Variants in ACACB observed in about 807,000 individuals in gnomAD.
The protein encoded by ACACB is acetyl-CoA carboxylase 2.
A neutral mutation model predicts 278.8 loss-of-function variants in ACACB; 209 were observed. That is an observed-to-expected ratio of 0.75 (90% CI 0.67 to 0.84). The LOEUF (loss-of-function observed/expected upper bound fraction) is 0.84, where lower values mean the gene tolerates loss of function less well. ACACB is among the 40% of genes least tolerant of loss of function. The pLI is 0.00. For missense variants in ACACB, 2,850 were observed against 3,269.0 expected, an observed-to-expected ratio of 0.87 and a Z score of 3.13; for synonymous variants, 1,174 against 1,285.6, an observed-to-expected ratio of 0.91 and a Z score of 1.86.
Position 109,232,792 on chromosome 12 carries a change from C to G in ACACB, c.4125C>G (p.Phe1375Leu). Residue 1375 changes from phenylalanine to leucine, a missense_variant, in exon 29 of 53, where the codon TTC becomes TTG. Physicochemically the swap from Phe to Leu is conservative, Grantham distance 22. Around this residue, in one of 3 missense-constraint regions of ACACB, gnomAD observed 2,265 missense variants for 2,561.3 expected, o/e 0.88. Coordinates refer to ENST00000338432, the MANE Select transcript of ACACB (RefSeq NM_001093.4). ...GAGCCATGGTAGCCTTCAGGAGATT[C>G]GAGGACTTCACCAGGTACCCAGCAT... is the stretch of plus-strand genomic sequence containing the variant. ...RMGAMVAFRR[F>L]EDFTRNFDEV... 6.2e-7 allele frequency: 1 copy of G among 1,614,100 alleles called. No homozygotes were observed. Among genetic ancestry groups the G allele is most frequent in the Non-Finnish European group, 8.5e-7 (1 of 1,180,014 alleles).
At chr12:109,218,891 C>T (rs906866050) in intron 24 of ACACB, among the ~76,000 whole-genome samples, 3 of 151,874 alleles carry the variant, frequency 2.0e-5, no homozygotes, top group Non-Finnish European at 4.4e-5. Flanking sequence ...GTCTCAGCCT[C>T]GTTTAGCTGG....
chr12:109,205,903 A>T (rs925522809), intron 19 of ACACB, among the ~76,000 whole-genome samples: 1 of 152,190 alleles, frequency 6.6e-6, no homozygotes, highest in South Asian at 2.1e-4. Flanking sequence ...AGGTATTTGT[A>T]GAATGAATGA....
intron 47 of ACACB, among the ~76,000 whole-genome samples, chr12:109,259,820 T>A (rs2047331905): frequency 6.6e-6 from 1 of 152,074 alleles, no homozygotes; most frequent in Non-Finnish European, 1.5e-5. Flanking sequence ...ACCAAGCATG[T>A]TTTGGGAGAG....
intron 26 of ACACB, among the ~76,000 whole-genome samples, chr12:109,223,236 A>G (rs1165808724): frequency 1.3e-5 from 2 of 152,250 alleles, no homozygotes; most frequent in African/African-American, 2.4e-5. Flanking sequence ...TCGCGGCCTC[A>G]TCTTCCCTAT....
chr12:109,245,715 G>T lies in ACACB; in HGVS notation c.5268G>T (p.Leu1756=). The T allele has an allele frequency of 6.2e-7, 1 of 1,614,130 alleles. No homozygotes were observed. Among genetic ancestry groups the T allele is most frequent in the South Asian group, 1.1e-5 (1 of 91,072 alleles). The part of the protein sequence containing the change: ...TELVLDSQGQ[L]VEMNRLPGGN... ...TAGTGTTGGACTCTCAGGGCCAGCTGGTGGAGATGAACCGACTTCCTGGTG... is the reference window on the plus strand; with the variant it reads ...TAGTGTTGGACTCTCAGGGCCAGCTTGTGGAGATGAACCGACTTCCTGGTG... The change falls in exon 38 of 53, where the codon CTG becomes CTT. Residue 1756 remains leucine (L), a synonymous_variant. Coordinates refer to ENST00000338432, the MANE Select transcript of ACACB (RefSeq NM_001093.4).
upstream of ACACB, among the ~76,000 whole-genome samples, chr12:109,116,164 C>G (rs73195474): frequency 6.6e-6 from 1 of 152,184 alleles, no homozygotes; most frequent in Non-Finnish European, 1.5e-5. Context: ...CATTAAGTGG[C>G]GTGATTTGAG....
At chr12:109,211,845 G>A (rs1233543454) in intron 21 of ACACB, among the ~76,000 whole-genome samples, 1 of 152,142 alleles carries the variant, frequency 6.6e-6, no homozygotes, top group African/African-American at 2.4e-5. Context: ...AACTCTAGAG[G>A]ATCCTAACTG....
rs753882249 is a variant in ACACB, at chr12:109,246,377, C to T, written c.5500C>T (p.Arg1834Cys). 8.1e-6 allele frequency: 13 copies of T among 1,613,332 alleles called. No homozygotes were observed. The highest frequency in any genetic ancestry group is 2.2e-5 in the South Asian group (2 of 91,028). Residue 1834 changes from arginine (R) to cysteine (C), a missense_variant, in exon 39 of 53, where the codon CGT (arginine) becomes TGT (cysteine). Transcript: ENST00000338432. ...TTACGTGGCAGCCAACAGTGGCGCC[C>T]GTATTGGCATGGCAGAGGAGATCAA... ...KIYVAANSGA[R>C]IGMAEEIKHM...
upstream of ACACB, among the ~76,000 whole-genome samples, chr12:109,113,999 C>T (rs1291031038): frequency 9.3e-5 from 14 of 151,254 alleles, no homozygotes; most frequent in African/African-American, 2.9e-4. Flanking sequence ...CTTTTTTTTG[C>T]GATAGAGTCT....
intron 9 of ACACB, 91 bp downstream of exon 9, chr12:109,176,354 G>A: frequency 8.4e-7 from 1 of 1,186,676 alleles, no homozygotes; most frequent in South Asian, 1.3e-5. Context: ...TTCTGTGACA[G>A]TCAAGAAGAC....
In ACACB at chr12:109,265,049, CA is replaced by C. The variant is rs2047476963; in HGVS notation, c.6943-60del. The C allele has an allele frequency of 7.1e-6, 11 of 1,547,450 alleles. No individual in the cohort carries two copies. In the East Asian group the frequency reaches 2.3e-4, roughly 32 times the overall value. On this transcript the variant is annotated intron_variant, in intron 50 of 52. Transcript: ENST00000338432. ...GGGCAGCCACTGTCATGGGTGTGGT[CA>C]GAGCCAGTGTCCCGTCTCCTCCTTC...
chr12:109,122,700 C>G (rs2042579106), intron 1 of ACACB, among the ~76,000 whole-genome samples: 1 of 149,690 alleles, frequency 6.7e-6, no homozygotes, highest in Non-Finnish European at 1.5e-5. Context: ...ATTTTATGAA[C>G]TTTTTAACTT....
rs1251679924 is a variant in ACACB, at chr12:109,234,005, AGGCACT to A, written c.4310_4315del (p.Ala1437_Leu1438del). 1 of 1,613,896 alleles carries A rather than the reference AGGCACT, an allele frequency of 6.2e-7. No homozygotes were observed. The highest frequency in any genetic ancestry group is 8.5e-7 in the Non-Finnish European group (1 of 1,179,986). Reference sequence around the variant, plus strand: ...CAGTGTGCAGACCACCTGGAGGATGAGGCACTGGTGCCGATTTTACGGACATTCGTA... The same window carrying A: ...CAGTGTGCAGACCACCTGGAGGATGAGGTGCCGATTTTACGGACATTCGTA... On this transcript the variant is annotated inframe_deletion, in exon 31 of 53. Transcript: ENST00000338432.
chr12:109,192,116 C>G (rs972016436), intron 15 of ACACB, among the ~76,000 whole-genome samples, 166 bp downstream of exon 15: 1 of 152,078 alleles, frequency 6.6e-6, no homozygotes, highest in Non-Finnish European at 1.5e-5. Context: ...CCTAGGCTAC[C>G]CTTGAAGAGG....
At chr12:109,251,991 G>C (rs1261588733) in intron 41 of ACACB, 55 bp from the exon 42 acceptor site, 60 of 1,350,866 alleles carry the variant, frequency 4.4e-5, no homozygotes, top group Middle Eastern at 2.0e-4. Flanking sequence ...TCCCTGCTGT[G>C]GGGGGTGGGT....
At chr12:109,120,876 G>C (rs2042531751) in intron 1 of ACACB, among the ~76,000 whole-genome samples, 1 of 152,218 alleles carries the variant, frequency 6.6e-6, no homozygotes, top group South Asian at 2.1e-4. Context: ...CATTTAAAGA[G>C]ATAACACACA....
At chr12:109,266,038 C>T (rs941091356) in intron 52 of ACACB, among the ~76,000 whole-genome samples, 198 bp from the exon 53 acceptor site, 2 of 152,240 alleles carry the variant, frequency 1.3e-5, no homozygotes, top group South Asian at 2.1e-4. Context: ...CCAGTAGGGA[C>T]GGTGGTGCCT....
intron 48 of ACACB, among the ~76,000 whole-genome samples, chr12:109,261,678 C>G (rs1051258321): frequency 6.6e-6 from 1 of 151,968 alleles, no homozygotes; most frequent in African/African-American, 2.4e-5. Context: ...CAAGACCAGC[C>G]TGGCCAACAC....
At chr12:109,251,257 T>C (rs1284673000) in intron 41 of ACACB, among the ~76,000 whole-genome samples, 1 of 152,188 alleles carries the variant, frequency 6.6e-6, no homozygotes, top group African/African-American at 2.4e-5. Context: ...GTGACCAATA[T>C]TAATTTTAGA....
Sources: gnomAD v4.1 joint callset for allele counts (sites outside exome capture counted in the v4.1 genomes callset) on GRCh38, gnomAD v4.1.1 for gene constraint, gnomAD v4.1.1 regional missense constraint, MANE v1.5 for transcripts, NCBI Gene and HGNC (gene_info 2026-07-23, HGNC 2026-07-21) for gene names.